MED14: variants seen among roughly 807,000 people sequenced by gnomAD.
MED14 encodes mediator complex subunit 14.
MED14 carries 8 observed loss-of-function variants against 109.0 expected under a neutral mutation model. The ratio of observed to expected loss-of-function variants is 0.07; its 90% CI spans 0.04 to 0.13. The LOEUF is 0.13. Ranked by LOEUF, MED14 falls within the 10% of genes least tolerant of loss-of-function variation. The pLI is 1.00. For missense variants in MED14, 711 were observed against 1,142.4 expected, an observed-to-expected ratio of 0.62 and a Z score of 5.44; for synonymous variants, 399 against 408.7, an observed-to-expected ratio of 0.98 and a Z score of 0.29.
At chrX:40,661,017 C>A (rs1232961109) in intron 26 of MED14, among the ~76,000 whole-genome samples, 1 of 110,360 alleles carries the variant, frequency 9.1e-6, no homozygotes, top group Non-Finnish European at 1.9e-5. Context: ...CAGGTTCAAG[C>A]GATTCTCCTG....
At chrX:40,670,983 A>G (rs1929710587) in intron 23 of MED14, among the ~76,000 whole-genome samples, 1 of 111,905 alleles carries the variant, frequency 8.9e-6, no homozygotes, top group African/African-American at 3.2e-5. Flanking sequence ...ATATATTTAC[A>G]CTAGATAAAA....
At chrX:40,712,860 AAAATC>A in intron 6 of MED14, 49 bp downstream of exon 6, 2 of 1,047,854 alleles carry the variant, frequency 1.9e-6, no homozygotes, top group Non-Finnish European at 2.5e-6. Context: ...AATAATATAA[AAAATC>A]AAACATTTAA....
intron 21 of MED14, among the ~76,000 whole-genome samples, chrX:40,678,197 C>A (rs1929978015): frequency 1.8e-5 from 2 of 111,669 alleles, no homozygotes; most frequent in Admixed American, 1.9e-4. Context: ...TAAGTGAACA[C>A]TGTGTAGAAA....
intron 16 of MED14, among the ~76,000 whole-genome samples, chrX:40,685,883 T>A (rs1930275996): frequency 8.9e-6 from 1 of 112,269 alleles, no homozygotes; most frequent in African/African-American, 3.2e-5. Flanking sequence ...GTGCCAATTT[T>A]AAAGCTTTGA....
At position 40,692,256 on chromosome X, in the gene MED14, G is replaced by A; in HGVS notation, c.1907C>T (p.Ala636Val). The A allele has an allele frequency of 8.3e-7, 1 of 1,199,806 alleles. No homozygotes were observed. Among genetic ancestry groups the A allele is most frequent in the Non-Finnish European group, 1.1e-6 (1 of 885,433 alleles). The change falls in exon 15 of 31, where the codon GCC becomes GTC. Residue 636 changes from alanine to valine, a missense_variant. Coordinates refer to ENST00000324817, the MANE Select transcript of MED14 (RefSeq NM_004229.4). Reference protein sequence around the residue: ...KKTKRAGEMCAFNKVLAHFVA... With the variant: ...KKTKRAGEMCVFNKVLAHFVA... ...GAAGTGGGCTAAAACTTTATTGAAG[G>A]CACACATTTCTCCTGCTCGTTTTGT...
At chrX:40,728,966 C>T (rs5918032) in intron 2 of MED14, among the ~76,000 whole-genome samples, 26,166 of 110,313 alleles carry the variant, frequency 0.24, 2,537 homozygotes, top group African/African-American at 0.37. Flanking sequence ...TACAGGCGCC[C>T]GCCACTATGC....
At chrX:40,721,442 G>A (rs1439863098) in intron 3 of MED14, among the ~76,000 whole-genome samples, 3 of 112,622 alleles carry the variant, frequency 2.7e-5, no homozygotes, top group Non-Finnish European at 5.6e-5. Context: ...GAAGGAATTC[G>A]TATTGTGGTT....
intron 28 of MED14, among the ~76,000 whole-genome samples, chrX:40,658,535 G>A (rs2146613170): frequency 9.1e-6 from 1 of 110,354 alleles, no homozygotes; most frequent in East Asian, 2.8e-4. Context: ...AACAGGATGT[G>A]TAAATATCAT....
chrX:40,667,664 G>A (rs1024903626), intron 23 of MED14, among the ~76,000 whole-genome samples: 3 of 112,140 alleles, frequency 2.7e-5, no homozygotes, highest in Admixed American at 9.4e-5. Context: ...AATCATGGAC[G>A]AACTTCTGTC....
chrX:40,711,161 T>C lies in MED14; in HGVS notation c.1022+8A>G. 1 of 1,208,859 alleles carries C rather than the reference T, an allele frequency of 8.3e-7. No homozygotes were observed. Among genetic ancestry groups the C allele is most frequent in the Non-Finnish European group, 1.1e-6 (1 of 894,256 alleles). On this transcript the variant is annotated splice_region_variant and intron_variant, in intron 8 of 30. Transcript: ENST00000324817. ...TAGCACGAACCCACCAGAACTGATT[T>C]TACTTACTTCCAAACTGAAAGGGAG...
chrX:40,689,459 C>T (rs779159289), intron 15 of MED14, among the ~76,000 whole-genome samples: 14 of 111,163 alleles, frequency 1.3e-4, no homozygotes, highest in Admixed American at 3.8e-4. Context: ...TTTGGGAGGC[C>T]GAGGCAGTTG....
At chrX:40,735,911 G>T (rs909706681), upstream of MED14, 1 of 263,383 alleles carries the variant, frequency 3.8e-6, no homozygotes, top group Non-Finnish European at 7.3e-6. Flanking sequence ...GGAAACCAGG[G>T]TGAGGGCTGA....
In MED14 at chrX:40,654,345, T is replaced by C. The variant is rs1928982039; in HGVS notation, c.4291+19A>G. 2 of 1,200,158 alleles carry C rather than the reference T, an allele frequency of 1.7e-6. No individual in the cohort carries two copies. The highest frequency in any genetic ancestry group is 1.8e-5 in the African/African-American group (1 of 56,864). ...TTTATAACATATATGCAATAAAATA[T>C]TGTCTACTGGTCATGTACCTTGTCG... On this transcript the variant is annotated intron_variant, in intron 30 of 30. Transcript: ENST00000324817.
At chrX:40,677,746 G>A (rs1030346769) in intron 21 of MED14, among the ~76,000 whole-genome samples, 5 of 111,543 alleles carry the variant, frequency 4.5e-5, no homozygotes, top group South Asian at 3.7e-4. Context: ...AGGAGTACTC[G>A]AACGAGCTAA....
intron 12 of MED14, among the ~76,000 whole-genome samples, chrX:40,698,080 T>C (rs760138151): frequency 7.1e-5 from 8 of 112,385 alleles, no homozygotes; most frequent in Non-Finnish European, 1.5e-4. Context: ...AAGATAAATT[T>C]TGAAAATATA....
At position 40,714,525 on chromosome X, in the gene MED14, C is replaced by T; in HGVS notation, c.522+12G>A. 1 of 1,207,423 alleles carries T rather than the reference C, an allele frequency of 8.3e-7. No homozygotes were observed. Among genetic ancestry groups the T allele is most frequent in the Non-Finnish European group, 1.1e-6 (1 of 892,820 alleles). On this transcript the variant is annotated intron_variant, in intron 4 of 30. Coordinates refer to ENST00000324817, the MANE Select transcript of MED14 (RefSeq NM_004229.4). ...TAGTTTTTAGGAACATGGGGGCAAG[C>T]AAAGAACTTACCCTAATGCAGGTTG...
chrX:40,682,009 G>A (rs1930133731), intron 18 of MED14, 66 bp from the exon 19 acceptor site: 7 of 506,996 alleles, frequency 1.4e-5, no homozygotes, highest in Non-Finnish European at 2.1e-5. Flanking sequence ...ATAAATTTGA[G>A]TAACAGGGCA....
chrX:40,679,778 G>T, intron 21 of MED14, 86 bp downstream of exon 21: 1 of 914,802 alleles, frequency 1.1e-6, no homozygotes, highest in Non-Finnish European at 1.5e-6. Flanking sequence ...GGAATTTGTT[G>T]CTTTTCCCCA....
intron 1 of MED14, among the ~76,000 whole-genome samples, chrX:40,734,322 G>A (rs963813575): frequency 8.9e-6 from 1 of 112,305 alleles, no homozygotes; most frequent in Non-Finnish European, 1.9e-5. Flanking sequence ...GAGTTAAGTA[G>A]AGCCTACTCT....
Sources: allele counts gnomAD v4.1 joint callset (sites outside exome capture counted in the v4.1 genomes callset), GRCh38; gene constraint gnomAD v4.1.1; transcripts MANE v1.5; gene names NCBI Gene and HGNC (gene_info 2026-07-23, HGNC 2026-07-21).